RBM39: variants seen among roughly 807,000 people sequenced by gnomAD.
RBM39 encodes the protein RNA binding motif protein 39, also known as RNA-binding protein 39.
RBM39 carries 12 observed loss-of-function variants against 79.6 expected under a neutral mutation model. The ratio of observed to expected loss-of-function variants is 0.15; its 90% CI spans 0.10 to 0.24. RBM39 has a LOEUF of 0.24. RBM39 is among the 10% of genes least tolerant of loss of function. The probability of loss-of-function intolerance (pLI) is 1.00; values close to 1 mark genes in which losing one functional copy is unlikely to be tolerated. For synonymous variants in RBM39, 185 were observed against 208.4 expected, an observed-to-expected ratio of 0.89 and a Z score of 0.97; for missense variants, 243 against 653.4, an observed-to-expected ratio of 0.37 and a Z score of 6.85.
intron 8 of RBM39, among the ~76,000 whole-genome samples, chr20:35,723,667 A>T (rs992298887): frequency 6.6e-6 from 1 of 151,990 alleles, no homozygotes; most frequent in Non-Finnish European, 1.5e-5. Flanking sequence ...CGAACTCCTG[A>T]CCTCAGGTGA....
chr20:35,737,116 G>A (rs1177208865), intron 3 of RBM39, among the ~76,000 whole-genome samples: 1 of 151,836 alleles, frequency 6.6e-6, no homozygotes, highest in Non-Finnish European at 1.5e-5. Context: ...AATTGGCTGG[G>A]CATGATGGCT....
At chr20:35,708,625 CT>C (rs1259714816) in intron 13 of RBM39, among the ~76,000 whole-genome samples, 3 of 152,086 alleles carry the variant, frequency 2.0e-5, no homozygotes, top group Admixed American at 2.0e-4. Flanking sequence ...AGATATAGAA[CT>C]TACATTAACA....
intron 3 of RBM39, 65 bp downstream of exon 3, chr20:35,738,903 C>T: frequency 1.4e-6 from 2 of 1,393,666 alleles, no homozygotes; most frequent in Non-Finnish European, 2.0e-6. Flanking sequence ...CACAGGAACA[C>T]AACTTAAGGT....
intron 3 of RBM39, 145 bp downstream of exon 3, chr20:35,738,822 CA>C: frequency 2.8e-6 from 2 of 718,400 alleles, no homozygotes; most frequent in Non-Finnish European, 4.6e-6. Context: ...GAGTTTGTCT[CA>C]AAAGGCAAAG....
chr20:35,731,081 GGA>G (rs1339766905), intron 4 of RBM39, among the ~76,000 whole-genome samples: 1 of 152,088 alleles, frequency 6.6e-6, no homozygotes, highest in Non-Finnish European at 1.5e-5. Flanking sequence ...TTAGCTTAGG[GGA>G]TTAAGTATCT....
chr20:35,734,831 A>G (rs2039738431), intron 3 of RBM39: 17 of 1,412,448 alleles, frequency 1.2e-5, no homozygotes, highest in Non-Finnish European at 1.5e-5. Context: ...TTCAAAGAGC[A>G]TTTATTACAT....
intron 8 of RBM39, among the ~76,000 whole-genome samples, chr20:35,723,684 C>T (rs913687933): frequency 3.9e-5 from 6 of 152,152 alleles, no homozygotes; most frequent in Non-Finnish European, 8.8e-5. Context: ...GTGATCCGCC[C>T]GCCTCAACCT....
rs562720244 is a variant in RBM39, at chr20:35,706,528, T to C, written c.1307+592A>G. Among the ~76,000 whole-genome samples the C allele has an allele frequency of 1.3e-4, 20 of 151,804 alleles. No homozygotes were observed. In the East Asian group the frequency reaches 3.7e-3, roughly 28 times the overall value. ...TGAAATCGAAACAAAAATCTACATT[T>C]TGATTGGATGTACTATATTATAAAT... On this transcript the variant is annotated intron_variant, in intron 14 of 16. Transcript: ENST00000253363.
rs1440028118 is a variant in RBM39 at position 35,739,158 on chromosome 20, T to TA, written c.52-142dup. On this transcript the variant is annotated intron_variant, in intron 2 of 16. Transcript: ENST00000253363. ...ACTTATAGTTTAACATGGAAGGCTATAAAAAAATTTAGATGGGTATGTGTT... is the reference window on the plus strand; with the variant it reads ...ACTTATAGTTTAACATGGAAGGCTATAAAAAAAATTTAGATGGGTATGTGTT... 17 of 759,858 alleles carry TA rather than the reference T, an allele frequency of 2.2e-5. 1 individual carries two copies. Among genetic ancestry groups the TA allele is most frequent in the Non-Finnish European group, 3.1e-5 (14 of 452,220 alleles). 47.1% of individuals were successfully genotyped at this position (759,858 alleles called of 1,614,324 possible). A position where few individuals can be genotyped will look rare whatever the true frequency, so the allele number is the denominator to read the frequency against.
chr20:35,716,655 G>A, intron 10 of RBM39, 85 bp downstream of exon 10: 1 of 817,428 alleles, frequency 1.2e-6, no homozygotes, highest in Non-Finnish European at 2.0e-6. Flanking sequence ...TTAAGGCCAG[G>A]AGCTAGAGAC....
At chr20:35,724,097 T>G (rs1335290405) in intron 8 of RBM39, among the ~76,000 whole-genome samples, 1 of 151,840 alleles carries the variant, frequency 6.6e-6, no homozygotes, top group Non-Finnish European at 1.5e-5. Context: ...TTTGGAAGGC[T>G]GGGGCAGGTG....
chr20:35,701,412 T>C lies in RBM39; in HGVS notation c.*3069A>G. ...TTCAAGCGTTTCTCCTGCCTCAGCC[T>C]CCCGAGTAGCTGTGATAACAGGCAC... On this transcript the variant is annotated 3_prime_UTR_variant, in exon 17 of 17. Transcript: ENST00000253363. The C allele has an allele frequency of 6.5e-6, 1 of 154,890 alleles. No homozygotes were observed. Among genetic ancestry groups the C allele is most frequent in the East Asian group, 1.9e-4 (1 of 5,256 alleles). 9.6% of individuals were successfully genotyped at this position (154,890 alleles called of 1,614,324 possible).
intron 2 of RBM39, chr20:35,739,606 A>C: frequency 2.2e-6 from 1 of 458,534 alleles, no homozygotes; most frequent in South Asian, 1.6e-5. Context: ...AACCCAAGAA[A>C]GTCAATTAAT....
intron 4 of RBM39, among the ~76,000 whole-genome samples, chr20:35,729,867 C>T (rs1569054989): frequency 6.6e-6 from 1 of 151,276 alleles, no homozygotes; most frequent in African/African-American, 2.4e-5. Flanking sequence ...CACACACACA[C>T]ATATATAAAA....
At chr20:35,704,769 G>A in intron 15 of RBM39, 23 bp from the exon 16 acceptor site, 1 of 1,600,894 alleles carries the variant, frequency 6.2e-7, no homozygotes, top group South Asian at 1.1e-5. Context: ...TGAAAAAAAA[G>A]GTAAAGATGT....
At chr20:35,704,802 A>G (rs2035521700) in intron 15 of RBM39, 56 bp from the exon 16 acceptor site, 1 of 1,491,586 alleles carries the variant, frequency 6.7e-7, no homozygotes, top group South Asian at 1.2e-5. Context: ...AATGGACCCA[A>G]GTTATGTTTA....
At chr20:35,724,503 C>T (rs6141562) in intron 8 of RBM39, 67 bp downstream of exon 8, 1 of 1,529,822 alleles carries the variant, frequency 6.5e-7, no homozygotes, top group Non-Finnish European at 9.0e-7. Flanking sequence ...CACAACAGCA[C>T]TATACCATGC....
At chr20:35,731,906 A>C in intron 4 of RBM39, 35 bp downstream of exon 4, 1 of 1,591,338 alleles carries the variant, frequency 6.3e-7, no homozygotes, top group Non-Finnish European at 8.6e-7. Flanking sequence ...CCAGAGAATA[A>C]CCCTCAAACC....
intron 8 of RBM39, among the ~76,000 whole-genome samples, chr20:35,722,443 A>T (rs981414921): frequency 3.6e-5 from 5 of 139,352 alleles, no homozygotes; most frequent in Non-Finnish European, 6.2e-5. Context: ...TAAAAATAAA[A>T]AGTTTATTTA....
Sources: allele counts gnomAD v4.1 joint callset (sites outside exome capture counted in the v4.1 genomes callset), GRCh38; gene constraint gnomAD v4.1.1; transcripts MANE v1.5; gene names NCBI Gene and HGNC (gene_info 2026-07-23, HGNC 2026-07-21).